PDE6A: variants seen among roughly 807,000 people sequenced by gnomAD.
PDE6A encodes the protein phosphodiesterase 6A, also known as rod cGMP-specific 3',5'-cyclic phosphodiesterase subunit alpha.
In PDE6A, 84 loss-of-function variants were observed where a neutral mutation model predicts 106.3. The ratio of observed to expected loss-of-function variants is 0.79; its 90% CI spans 0.66 to 0.95. PDE6A has a LOEUF of 0.95. PDE6A is among the 40% of genes least tolerant of loss of function. The probability of loss-of-function intolerance (pLI) is 0.00; values close to 1 mark genes in which losing one functional copy is unlikely to be tolerated. For missense variants in PDE6A, 1,052 were observed against 1,084.9 expected, an observed-to-expected ratio of 0.97 and a Z score of 0.43; for synonymous variants, 394 against 386.6, an observed-to-expected ratio of 1.02 and a Z score of -0.23.
chr5:149,900,366 AATATATATGTATATATATAT>A (rs1194359025), intron 8 of PDE6A, among the ~76,000 whole-genome samples: 1 of 12,778 alleles, frequency 7.8e-5, no homozygotes, highest in Non-Finnish European at 2.0e-4. Flanking sequence ...CATCTCGAAA[AATATATATGTATATATATAT>A]ATATATATAT....
chr5:149,902,621 G>A (rs1753020449), intron 8 of PDE6A, among the ~76,000 whole-genome samples: 1 of 151,958 alleles, frequency 6.6e-6, no homozygotes, highest in Admixed American at 6.6e-5. Flanking sequence ...AGGAGTTCGA[G>A]ACCAATCTGA....
intron 12 of PDE6A, among the ~76,000 whole-genome samples, chr5:149,895,566 A>AT: frequency 6.6e-6 from 1 of 152,156 alleles, no homozygotes; most frequent in Non-Finnish European, 1.5e-5. Context: ...ACTGAGCTTC[A>AT]TCAGTAATTC....
In PDE6A at chr5:149,903,368, GTATTATATATTGTA is replaced by G. The variant is rs543296410; in HGVS notation, c.1113+266_1113+279del. ...ATATATTGTATAATTGTATAATGTT[GTATTATATATTGTA>G]TATTATATATTGTATATCTTGTGGG... is the stretch of plus-strand genomic sequence containing the variant. On this transcript the variant is annotated intron_variant, in intron 8 of 21. Transcript: ENST00000255266. 9.4e-4 allele frequency among the ~76,000 whole-genome samples: 141 copies of G among 149,460 alleles called. 1 individual carries two copies. The highest frequency in any genetic ancestry group is 3.4e-3 in the African/African-American group (139 of 40,912).
chr5:149,916,161 G>A (rs577679074), intron 5 of PDE6A, among the ~76,000 whole-genome samples: 2 of 152,240 alleles, frequency 1.3e-5, no homozygotes, highest in East Asian at 1.9e-4. Flanking sequence ...TTATAAAACC[G>A]TCTACCTTCT....
At chr5:149,898,795 G>T (rs1162975665) in intron 9 of PDE6A, among the ~76,000 whole-genome samples, 3 of 152,176 alleles carry the variant, frequency 2.0e-5, no homozygotes, top group African/African-American at 7.2e-5. Flanking sequence ...ATCTAGGAAC[G>T]CTGTACTTTT....
intron 14 of PDE6A, 35 bp downstream of exon 14, chr5:149,886,230 C>T (rs982392860): frequency 7.6e-6 from 11 of 1,452,630 alleles, no homozygotes; most frequent in African/African-American, 2.8e-5. Context: ...ATAATGAATC[C>T]GGAGGGTTGG....
At chr5:149,943,139 G>C (rs1754366048) in intron 1 of PDE6A, among the ~76,000 whole-genome samples, 1 of 152,122 alleles carries the variant, frequency 6.6e-6, no homozygotes, top group Non-Finnish European at 1.5e-5. Flanking sequence ...CATACCCAGG[G>C]TTTCTTGGGC....
intron 13 of PDE6A, among the ~76,000 whole-genome samples, chr5:149,891,302 T>C (rs1219492038): frequency 6.6e-6 from 1 of 152,074 alleles, no homozygotes; most frequent in Non-Finnish European, 1.5e-5. Context: ...AAACCCCGTC[T>C]CTACAAAAAA....
chr5:149,920,943 A>AAAGAAAG (rs1561769139), intron 5 of PDE6A, among the ~76,000 whole-genome samples: 5 of 5,314 alleles, frequency 9.4e-4, no homozygotes, highest in Non-Finnish European at 2.5e-3. Context: ...AAAGAGAGAA[A>AAAGAAAG]AAGAAAGAAA....
At chr5:149,876,424 T>C (rs1760745148) in intron 17 of PDE6A, among the ~76,000 whole-genome samples, 1 of 148,460 alleles carries the variant, frequency 6.7e-6, no homozygotes, top group Admixed American at 6.8e-5. Flanking sequence ...GGCATGATCA[T>C]AGCTAGCTGT....
Position 149,863,087 on chromosome 5 carries a change from G to C in PDE6A, c.2506+32C>G. The stretch of plus-strand genomic sequence containing the variant: ...ACACTGAGTGCTCAGGGAGTGGGGT[G>C]GTGGGAGTCCCTGCTTCCCCCTTCC... On this transcript the variant is annotated intron_variant, in intron 21 of 21. Transcript: ENST00000255266. The surrounding 1 kb of genome is among the most constrained non-coding windows in gnomAD (Gnocchi z 4.7). The C allele has an allele frequency of 6.2e-7, 1 of 1,613,470 alleles. No individual in the cohort carries two copies. Among genetic ancestry groups the C allele is most frequent in the South Asian group, 1.1e-5 (1 of 91,056 alleles).
At chr5:149,900,239 G>A (rs1448552864) in intron 8 of PDE6A, among the ~76,000 whole-genome samples, 1 of 151,554 alleles carries the variant, frequency 6.6e-6, no homozygotes, top group Non-Finnish European at 1.5e-5. Context: ...GCATGCTCCT[G>A]TAATCCCAGC....
intron 10 of PDE6A, 111 bp from the exon 11 acceptor site, chr5:149,896,887 C>T: frequency 8.5e-7 from 1 of 1,176,114 alleles, no homozygotes; most frequent in South Asian, 1.2e-5. Context: ...ACCACCAGCT[C>T]AAAGAGGATT....
Position 149,944,522 on chromosome 5 carries a change from G to A in PDE6A, c.152C>T (p.Ser51Phe), listed in dbSNP as rs1754414700. 1.9e-6 allele frequency: 3 copies of A among 1,614,026 alleles called. No individual in the cohort carries two copies. Among genetic ancestry groups the A allele is most frequent in the South Asian group, 2.2e-5 (2 of 91,092 alleles). ...TTCGCTCTCCTCCATGCTGCTCGGGGAGTGGTAGTTGCTGAAGTCCACGGC... is the reference window on the plus strand; with the variant it reads ...TTCGCTCTCCTCCATGCTGCTCGGGAAGTGGTAGTTGCTGAAGTCCACGGC... ...EAAVDFSNYHSPSSMEESEII... is the reference protein window; with the variant it reads ...EAAVDFSNYHFPSSMEESEII... The change falls in exon 1 of 22, where the codon TCC becomes TTC. Residue 51 changes from serine to phenylalanine, a missense_variant. Physicochemically the swap from Ser to Phe is radical, Grantham distance 155. This residue lies in a region of PDE6A where 913 missense variants were observed against 915.2 expected (regional missense o/e 1.00). Coordinates refer to ENST00000255266, the MANE Select transcript of PDE6A (RefSeq NM_000440.3).
At chr5:149,906,974 G>A (rs981959624) in intron 7 of PDE6A, among the ~76,000 whole-genome samples, 1 of 152,156 alleles carries the variant, frequency 6.6e-6, no homozygotes, top group African/African-American at 2.4e-5. Context: ...GTTCTGCCAT[G>A]TTGGCCAGGC....
At chr5:149,894,511 C>A (rs536494633) in intron 13 of PDE6A, among the ~76,000 whole-genome samples, 44 of 152,054 alleles carry the variant, frequency 2.9e-4, no homozygotes, top group African/African-American at 1.0e-3. Flanking sequence ...CTTGCATTGC[C>A]AGGCTAACTA....
intron 3 of PDE6A, among the ~76,000 whole-genome samples, chr5:149,933,292 A>C (rs143424717): frequency 1.8e-3 from 268 of 152,286 alleles, no homozygotes; most frequent in African/African-American, 6.2e-3. Flanking sequence ...TATTTTAAAA[A>C]TTTTATTTTA....
rs958983107 is a variant in PDE6A, at chr5:149,907,466, T to C, written c.999-88A>G. The C allele has an allele frequency of 3.8e-6, 4 of 1,045,032 alleles. No homozygotes were observed. The African/African-American group carries it at 4.7e-5, about 12-fold the overall frequency. The allele number at this position is 1,045,032 out of a possible 1,614,324, so 64.7% of individuals were successfully genotyped here. A position where few individuals can be genotyped will look rare whatever the true frequency, so the allele number is the denominator to read the frequency against. ...ATCTGGGTGTTTGCGCTCCCCCTGCTCTCAGGTGGCTCTCAGCACCTGCTT... is the reference window on the plus strand; with the variant it reads ...ATCTGGGTGTTTGCGCTCCCCCTGCCCTCAGGTGGCTCTCAGCACCTGCTT... On this transcript the variant is annotated intron_variant, in intron 6 of 21. Coordinates refer to ENST00000255266, the MANE Select transcript of PDE6A (RefSeq NM_000440.3).
chr5:149,941,600 A>G (rs1227455737), intron 1 of PDE6A, among the ~76,000 whole-genome samples: 1 of 152,218 alleles, frequency 6.6e-6, no homozygotes, highest in Non-Finnish European at 1.5e-5. Context: ...CACAAAGAAA[A>G]ACACATCACC....
Sources: allele counts gnomAD v4.1 joint callset (sites outside exome capture counted in the v4.1 genomes callset), GRCh38; gene constraint gnomAD v4.1.1; regional missense constraint gnomAD v4.1.1; non-coding constraint Gnocchi (gnomAD v3.1); transcripts MANE v1.5; gene names NCBI Gene and HGNC (gene_info 2026-07-23, HGNC 2026-07-21).